Variants in PEAK1 observed in about 807,000 individuals in gnomAD.
PEAK1 encodes the protein pseudopodium enriched atypical kinase 1.
A neutral mutation model predicts 124.7 loss-of-function variants in PEAK1; 54 were observed. The ratio of observed to expected loss-of-function variants is 0.43; its 90% CI spans 0.35 to 0.54. The LOEUF (loss-of-function observed/expected upper bound fraction) is 0.54, where lower values mean the gene tolerates loss of function less well. Ranked by LOEUF, PEAK1 falls within the 20% of genes least tolerant of loss-of-function variation. PEAK1 has a pLI of 0.01. For missense variants in PEAK1, 2,046 were observed against 2,134.5 expected (o/e 0.96, Z 0.82); for synonymous variants, 719 against 760.0 (o/e 0.95, Z 0.89).
intron 1 of PEAK1, among the ~76,000 whole-genome samples, chr15:77,392,888 G>A (rs1331492753): frequency 6.6e-6 from 1 of 152,188 alleles, no homozygotes. Context: ...GAAAGACAGT[G>A]TTCAATTGCC....
intron 2 of PEAK1, among the ~76,000 whole-genome samples, chr15:77,297,950 C>T (rs1292735010): frequency 1.4e-5 from 2 of 144,584 alleles, no homozygotes; most frequent in African/African-American, 2.6e-5. Context: ...CCCAGCTACT[C>T]GGGAGGCTGA....
At chr15:77,393,341 A>G (rs987303523) in intron 1 of PEAK1, among the ~76,000 whole-genome samples, 2 of 151,994 alleles carry the variant, frequency 1.3e-5, no homozygotes, top group African/African-American at 4.8e-5. Flanking sequence ...GTCCCCCACA[A>G]CCCCAGGCGG....
intron 2 of PEAK1, chr15:77,352,850 A>T (rs895516659): frequency 1.1e-5 from 11 of 984,654 alleles, no homozygotes; most frequent in African/African-American, 7.0e-5. Context: ...CAGCTTTGTT[A>T]AAAAAAACAA....
intron 8 of PEAK1, among the ~76,000 whole-genome samples, chr15:77,149,435 CTTTTAGT>C (rs2054415297): frequency 6.6e-6 from 1 of 152,164 alleles, no homozygotes; most frequent in African/African-American, 2.4e-5. Flanking sequence ...GTTTTGCTGT[CTTTTAGT>C]TTTTAAACAC....
At chr15:77,325,116 T>TTC in intron 2 of PEAK1, among the ~76,000 whole-genome samples, 1 of 152,294 alleles carries the variant, frequency 6.6e-6, no homozygotes, top group Admixed American at 6.5e-5. Context: ...CTAGAATACA[T>TTC]TCTCTCAAAA....
chr15:77,241,493 G>A (rs2060353975), intron 6 of PEAK1, among the ~76,000 whole-genome samples: 1 of 151,928 alleles, frequency 6.6e-6, no homozygotes, highest in Non-Finnish European at 1.5e-5. Flanking sequence ...ACAAGAAAAA[G>A]AAGTAAAAGG....
chr15:77,375,811 C>T (rs2068965366), intron 1 of PEAK1, among the ~76,000 whole-genome samples: 1 of 151,854 alleles, frequency 6.6e-6, no homozygotes, highest in Non-Finnish European at 1.5e-5. Context: ...CTGGCTAACA[C>T]GGTGAAACCC....
intron 9 of PEAK1, among the ~76,000 whole-genome samples, chr15:77,127,437 G>A (rs1360264619): frequency 6.6e-6 from 1 of 152,188 alleles, no homozygotes; most frequent in Non-Finnish European, 1.5e-5. Context: ...GTTTTGAGAT[G>A]CATGTGAGGA....
chr15:77,105,506 G>C (rs761973521), downstream of PEAK1: 4 of 152,200 alleles, frequency 2.6e-5, no homozygotes, highest in Admixed American at 6.5e-5. Context: ...CCCCCACCCA[G>C]TGTGAAATCC....
intron 5 of PEAK1, among the ~76,000 whole-genome samples, chr15:77,261,454 C>CA (rs2061435551): frequency 6.6e-6 from 1 of 152,030 alleles, no homozygotes; most frequent in African/African-American, 2.4e-5. Context: ...AAAACCACGG[C>CA]ACGAGAACTA....
intron 2 of PEAK1, among the ~76,000 whole-genome samples, chr15:77,306,178 T>G (rs752126702): frequency 5.7e-4 from 86 of 152,148 alleles, no homozygotes; most frequent in Non-Finnish European, 3.2e-4. Flanking sequence ...CTTAGTCATT[T>G]CTCTTTTCAG....
chr15:77,337,857 GA>G (rs1258457742), intron 2 of PEAK1: 19 of 985,122 alleles, frequency 1.9e-5, no homozygotes, highest in Non-Finnish European at 2.2e-5. Context: ...AAGGACTTAA[GA>G]AAAAAATCAA....
At chr15:77,209,027 T>C (rs1245337491) in intron 6 of PEAK1, among the ~76,000 whole-genome samples, 1 of 152,214 alleles carries the variant, frequency 6.6e-6, no homozygotes, top group Non-Finnish European at 1.5e-5. Flanking sequence ...GGAAGATTTG[T>C]CTACAGACTA....
intron 2 of PEAK1, chr15:77,335,297 GT>G: frequency 1.0e-6 from 1 of 985,314 alleles, no homozygotes; most frequent in Non-Finnish European, 1.2e-6. Context: ...ATTATTCTGG[GT>G]TTTCTGGCAT....
intron 1 of PEAK1, among the ~76,000 whole-genome samples, chr15:77,367,258 T>G (rs774093183): frequency 6.6e-6 from 1 of 152,216 alleles, no homozygotes; most frequent in Non-Finnish European, 1.5e-5. Flanking sequence ...GTAAAGGGCA[T>G]ACATAGGAAC....
intron 2 of PEAK1, chr15:77,351,080 T>C (rs2067180754): frequency 3.5e-6 from 1 of 288,772 alleles, no homozygotes; most frequent in East Asian, 1.7e-4. Context: ...CTTACAGACA[T>C]GCAAACATTA....
intron 7 of PEAK1, 67 bp downstream of exon 7, chr15:77,178,723 T>C (rs1044672630): frequency 6.9e-7 from 1 of 1,451,558 alleles, no homozygotes; most frequent in Admixed American, 1.9e-5. Context: ...TCTTAAAAGA[T>C]ATAAAAAACT....
chr15:77,398,978 A>G (rs1409224818), intron 1 of PEAK1, among the ~76,000 whole-genome samples: 2 of 152,080 alleles, frequency 1.3e-5, no homozygotes, highest in East Asian at 3.8e-4. Context: ...AAAAAATCTG[A>G]AAAAAAAGTC....
intron 1 of PEAK1, chr15:77,417,886 T>C (rs2073017621): frequency 1.0e-6 from 1 of 984,832 alleles, no homozygotes; most frequent in Non-Finnish European, 1.2e-6. Flanking sequence ...TGCTAGATGT[T>C]GAAAAACATG....
Sources: gnomAD v4.1 joint callset for allele counts (sites outside exome capture counted in the v4.1 genomes callset) on GRCh38, gnomAD v4.1.1 for gene constraint, MANE v1.5 for transcripts, NCBI Gene and HGNC (gene_info 2026-07-23, HGNC 2026-07-21) for gene names.